Variants in PCSK2 observed in about 807,000 individuals in gnomAD.
PCSK2 encodes the protein proprotein convertase subtilisin/kexin type 2.
A neutral mutation model predicts 69.7 loss-of-function variants in PCSK2; 14 were observed. The ratio of observed to expected loss-of-function variants is 0.20; its 90% confidence interval spans 0.13 to 0.31. PCSK2 has a LOEUF of 0.31. Among genes scored for constraint, PCSK2 ranks in the 10% least tolerant of loss-of-function variants. PCSK2 has a pLI of 1.00. For missense variants in PCSK2, 544 were observed against 842.5 expected (o/e 0.65, Z 4.39); for synonymous variants, 307 against 320.7 (o/e 0.96, Z 0.46).
At chr20:17,303,526 A>AT (rs370741000) in intron 2 of PCSK2, among the ~76,000 whole-genome samples, 3 of 42,676 alleles carry the variant, frequency 7.0e-5, no homozygotes, top group Admixed American at 4.6e-4. Flanking sequence ...AATATAATAT[A>AT]TATTATATTA....
intron 2 of PCSK2, among the ~76,000 whole-genome samples, chr20:17,295,124 C>T (rs1234484352): frequency 1.3e-5 from 2 of 152,028 alleles, no homozygotes; most frequent in African/African-American, 2.4e-5. Context: ...GTGATAGAAG[C>T]ATCCCTCACA....
intron 2 of PCSK2, among the ~76,000 whole-genome samples, chr20:17,356,049 T>G (rs1034011805): frequency 6.6e-6 from 1 of 152,196 alleles, no homozygotes; most frequent in Non-Finnish European, 1.5e-5. Flanking sequence ...TATACATGTG[T>G]GTGTGCATAT....
intron 6 of PCSK2, among the ~76,000 whole-genome samples, chr20:17,421,841 C>T (rs1208327099): frequency 1.9e-4 from 16 of 86,314 alleles, no homozygotes; most frequent in East Asian, 4.4e-4. Flanking sequence ...AAAAAAAAGA[C>T]GAAAAAATAT....
intron 2 of PCSK2, among the ~76,000 whole-genome samples, chr20:17,310,404 A>C (rs1989468212): frequency 6.6e-6 from 1 of 152,160 alleles, no homozygotes; most frequent in African/African-American, 2.4e-5. Context: ...TGGAAATTTT[A>C]TTACCTGATA....
chr20:17,343,606 G>C (rs1326628454), intron 2 of PCSK2, among the ~76,000 whole-genome samples: 1 of 152,226 alleles, frequency 6.6e-6, no homozygotes, highest in Non-Finnish European at 1.5e-5. Context: ...TGGCAAGGTG[G>C]GGTTAAGGTT....
intron 1 of PCSK2, among the ~76,000 whole-genome samples, chr20:17,228,697 TTCCCAAGCC>T (rs1986026308): frequency 6.6e-6 from 1 of 152,152 alleles, no homozygotes; most frequent in Admixed American, 6.5e-5. Context: ...CTGTCCTGAC[TTCCCAAGCC>T]TCCCGCCTCT....
intron 5 of PCSK2, among the ~76,000 whole-genome samples, chr20:17,378,620 G>GATGGATGGATGGATGGATGGATGA (rs66614127): frequency 6.7e-6 from 1 of 149,860 alleles, no homozygotes; most frequent in African/African-American, 2.5e-5. Context: ...TGGATGGATG[G>GATGGATGGATGGATGGATGGATGA]ATGGATGGAT....
chr20:17,433,825 T>TCTC (rs1175727017), intron 7 of PCSK2, among the ~76,000 whole-genome samples: 1 of 18,764 alleles, frequency 5.3e-5, no homozygotes, highest in African/African-American at 2.0e-4. Flanking sequence ...CCCCACTTCC[T>TCTC]TCCCTCCTCC....
At chr20:17,271,558 G>A (rs1309503497) in intron 2 of PCSK2, among the ~76,000 whole-genome samples, 1 of 152,004 alleles carries the variant, frequency 6.6e-6, no homozygotes. Flanking sequence ...ACTCAAGCAA[G>A]AGAATAAACG....
At chr20:17,384,910 A>G (rs915415777) in intron 5 of PCSK2, among the ~76,000 whole-genome samples, 3 of 152,176 alleles carry the variant, frequency 2.0e-5, no homozygotes, top group Non-Finnish European at 4.4e-5. Flanking sequence ...CCTGGGTGAC[A>G]GAACGCAACC....
intron 8 of PCSK2, among the ~76,000 whole-genome samples, chr20:17,449,223 A>G (rs1004627278): frequency 9.2e-5 from 14 of 152,132 alleles, no homozygotes; most frequent in African/African-American, 2.9e-4. Context: ...CTCACTGAGC[A>G]TGAGCTGCAG....
intron 8 of PCSK2, among the ~76,000 whole-genome samples, chr20:17,437,363 G>A (rs569802208): frequency 4.1e-4 from 62 of 152,334 alleles, no homozygotes; most frequent in Non-Finnish European, 7.1e-4. Flanking sequence ...TCTCACAGCT[G>A]CTCCTCTGAG....
At chr20:17,258,131 C>T (rs1428669136) in intron 1 of PCSK2, among the ~76,000 whole-genome samples, 1 of 152,096 alleles carries the variant, frequency 6.6e-6, no homozygotes, top group African/African-American at 2.4e-5. Flanking sequence ...AACTCTAAAC[C>T]CAGTCTGCAC....
At chr20:17,370,725 T>A (rs2030733094) in intron 5 of PCSK2, among the ~76,000 whole-genome samples, 1 of 152,202 alleles carries the variant, frequency 6.6e-6, no homozygotes, top group Admixed American at 6.5e-5. Context: ...TTAAAGGGAC[T>A]GCCCTGGACA....
At chr20:17,437,793 G>A (rs2032514897) in intron 8 of PCSK2, among the ~76,000 whole-genome samples, 1 of 152,208 alleles carries the variant, frequency 6.6e-6, no homozygotes, top group African/African-American at 2.4e-5. Flanking sequence ...GGGCACACTG[G>A]GGATGGCTCA....
intron 2 of PCSK2, among the ~76,000 whole-genome samples, chr20:17,290,909 T>A (rs970762741): frequency 6.6e-6 from 1 of 152,054 alleles, no homozygotes; most frequent in Non-Finnish European, 1.5e-5. Context: ...GGGACCAAAC[T>A]ATACTTTCCT....
intron 5 of PCSK2, among the ~76,000 whole-genome samples, chr20:17,405,530 C>T (rs2031732871): frequency 1.3e-5 from 2 of 152,198 alleles, no homozygotes; most frequent in Non-Finnish European, 2.9e-5. Flanking sequence ...ATCTGTGGGC[C>T]TGCGTCTTTG....
intron 5 of PCSK2, among the ~76,000 whole-genome samples, chr20:17,392,389 A>C (rs1202516375): frequency 6.6e-6 from 1 of 152,222 alleles, no homozygotes; most frequent in East Asian, 1.9e-4. Flanking sequence ...AAATCATCAT[A>C]ATTTTCTACC....
chr20:17,256,937 C>T (rs963280660), intron 1 of PCSK2, among the ~76,000 whole-genome samples: 4 of 152,162 alleles, frequency 2.6e-5, no homozygotes, highest in African/African-American at 9.7e-5. Context: ...CATGTCCCTG[C>T]AAAGGACATG....
Sources: allele counts gnomAD v4.1 joint callset (sites outside exome capture counted in the v4.1 genomes callset), GRCh38; gene constraint gnomAD v4.1.1; transcripts MANE v1.5; gene names NCBI Gene and HGNC (gene_info 2026-07-23, HGNC 2026-07-21).